DYM: variants seen among roughly 807,000 people sequenced by gnomAD.
DYM encodes the protein dyggve-Melchior-Clausen syndrome protein.
In DYM, 78 loss-of-function variants were observed where a neutral mutation model predicts 93.1. The ratio of observed to expected loss-of-function variants is 0.84; its 90% CI spans 0.70 to 1.01. DYM has a LOEUF of 1.01. Among genes scored for constraint, DYM ranks in the 50% least tolerant of loss-of-function variants. The pLI, the probability that DYM is intolerant of heterozygous loss-of-function variation, is 0.00. For synonymous variants in DYM, 321 were observed against 319.7 expected (o/e 1.00, Z -0.04); for missense variants, 789 against 845.0 (o/e 0.93, Z 0.82).
chr18:49,180,964 T>C (rs188729248), intron 14 of DYM, among the ~76,000 whole-genome samples: 1 of 152,184 alleles, frequency 6.6e-6, no homozygotes, highest in African/African-American at 2.4e-5. Context: ...TTGTTATATG[T>C]TAGCAACAAA....
chr18:49,268,456 C>T (rs982309709), intron 11 of DYM, among the ~76,000 whole-genome samples: 4 of 152,060 alleles, frequency 2.6e-5, no homozygotes, highest in African/African-American at 7.2e-5. Flanking sequence ...TGGCAGTCAG[C>T]GAAGTTTAAT....
intron 17 of DYM, among the ~76,000 whole-genome samples, chr18:49,066,787 T>C (rs541505402): frequency 5.3e-4 from 81 of 152,286 alleles, no homozygotes; most frequent in African/African-American, 1.9e-3. Context: ...TCTTGCCCTA[T>C]ATCAAACCTT....
chr18:49,197,186 CAG>C (rs1289267645), intron 14 of DYM, among the ~76,000 whole-genome samples: 1 of 152,026 alleles, frequency 6.6e-6, no homozygotes, highest in Non-Finnish European at 1.5e-5. Context: ...GACAAGGGCT[CAG>C]AGTTTCAGCT....
At position 49,309,916 on chromosome 18, in the gene DYM, G is replaced by A. The variant is rs568413086; in HGVS notation, c.763+21948C>T. On this transcript the variant is annotated intron_variant, in intron 8 of 17. Coordinates refer to ENST00000675505, the MANE Select transcript of DYM (RefSeq NM_001353214.3). ...GGGTCGAAATCAACCCTATCCAGAC[G>A]GCATGGACCCAGAATTCTTAGCTAT... Among the ~76,000 whole-genome samples the A allele has an allele frequency of 1.2e-4, 18 of 152,234 alleles. No individual in the cohort carries two copies. The East Asian group carries it at 2.9e-3, about 24-fold the overall frequency.
chr18:49,228,102 G>A (rs1051002711), intron 13 of DYM, among the ~76,000 whole-genome samples: 3 of 152,148 alleles, frequency 2.0e-5, no homozygotes, highest in African/African-American at 7.2e-5. Context: ...TTTGAGGGCA[G>A]ATGTTGAGTT....
intron 15 of DYM, among the ~76,000 whole-genome samples, chr18:49,149,692 A>G (rs1422181068): frequency 7.0e-6 from 1 of 142,890 alleles, no homozygotes; most frequent in Non-Finnish European, 1.5e-5. Context: ...TTCAAGCACC[A>G]TTACAAAGTG....
chr18:49,142,119 C>A (rs35226819), intron 15 of DYM, among the ~76,000 whole-genome samples: 47,630 of 151,620 alleles, frequency 0.31, 8,824 homozygotes, highest in Middle Eastern at 0.46. Context: ...CCTCGGTCTC[C>A]CAAAGTGCTG....
chr18:49,137,030 A>C (rs1177325852), intron 15 of DYM, among the ~76,000 whole-genome samples: 2 of 152,242 alleles, frequency 1.3e-5, no homozygotes, highest in African/African-American at 4.8e-5. Context: ...AGCATTTCTT[A>C]TCAAAGTATA....
Position 49,091,516 on chromosome 18 carries a change from G to A in DYM, c.2025+5886C>T, listed in dbSNP as rs78651134. Among the ~76,000 whole-genome samples the A allele has an allele frequency of 7.1e-3, 1,081 of 152,192 alleles. 5 individuals are homozygous for A. The highest frequency in any genetic ancestry group is 0.024 in the Middle Eastern group (7 of 294). ...CAAGGCTCTACGAGTGGAGAGGGCT[G>A]GTGTGTTTGGAGCAATTACCTAGTA... On this transcript the variant is annotated intron_variant, in intron 17 of 17. Coordinates refer to ENST00000675505, the MANE Select transcript of DYM (RefSeq NM_001353214.3).
intron 3 of DYM, chr18:49,390,571 G>A (rs77905669): frequency 0.091 from 13,865 of 151,760 alleles, 862 homozygotes; most frequent in East Asian, 0.31. Flanking sequence ...GCAGTGGCGC[G>A]ATCTCGGCTC....
chr18:49,265,239 G>C (rs886302396), intron 11 of DYM, among the ~76,000 whole-genome samples: 3 of 152,146 alleles, frequency 2.0e-5, no homozygotes, highest in Admixed American at 6.5e-5. Flanking sequence ...GAAAACCCGA[G>C]AGCAGGCTCA....
chr18:49,140,165 AG>A (rs1317732400), intron 15 of DYM, among the ~76,000 whole-genome samples: 11 of 152,196 alleles, frequency 7.2e-5, no homozygotes, highest in African/African-American at 2.7e-4. Context: ...AACATTAAAA[AG>A]AAAAAAAGTC....
intron 1 of DYM, among the ~76,000 whole-genome samples, chr18:49,442,656 G>A (rs2081746616): frequency 6.7e-6 from 1 of 150,278 alleles, no homozygotes; most frequent in South Asian, 2.1e-4. Context: ...AGATAATAAT[G>A]AAAACAGTAA....
rs140168546 is a variant in DYM at position 49,101,296 on chromosome 18, T to C, written c.1912-3781A>G. Among the ~76,000 whole-genome samples, 424 of 152,310 alleles carry C rather than the reference T, an allele frequency of 2.8e-3. 2 individuals carry two copies. The highest frequency in any genetic ancestry group is 1.0e-2 in the African/African-American group (415 of 41,570). Reference sequence around the variant, plus strand: ...GACAACCTTTCAAAGGAAGGTACTTTTCCAAAGCGCATGTTTTACAACCCT... The same window carrying C: ...GACAACCTTTCAAAGGAAGGTACTTCTCCAAAGCGCATGTTTTACAACCCT... On this transcript the variant is annotated intron_variant, in intron 16 of 17. Transcript: ENST00000675505.
At chr18:49,258,228 T>C (rs941874962) in intron 12 of DYM, 152 bp downstream of exon 12, 125 of 646,942 alleles carry the variant, frequency 1.9e-4, no homozygotes, top group Middle Eastern at 7.2e-4. Context: ...TTATGTTACA[T>C]TAGGATCATG....
At chr18:49,184,768 T>C (rs527988015) in intron 14 of DYM, among the ~76,000 whole-genome samples, 2 of 152,334 alleles carry the variant, frequency 1.3e-5, no homozygotes, top group African/African-American at 4.8e-5. Context: ...AATTTTCTAT[T>C]TCTGAAACTT....
chr18:49,134,333 G>C (rs2083642385), intron 15 of DYM, among the ~76,000 whole-genome samples: 1 of 152,134 alleles, frequency 6.6e-6, no homozygotes, highest in Non-Finnish European at 1.5e-5. Flanking sequence ...TTTATAAGGA[G>C]ATTACGTTTC....
intron 16 of DYM, 26 bp downstream of exon 16, chr18:49,118,718 T>C (rs1355588523): frequency 6.3e-7 from 1 of 1,594,096 alleles, no homozygotes; most frequent in Non-Finnish European, 8.6e-7. Context: ...AAAAGAATCA[T>C]AATAAATGTC....
intron 13 of DYM, among the ~76,000 whole-genome samples, chr18:49,236,651 T>C (rs2093875809): frequency 1.3e-5 from 2 of 152,106 alleles, no homozygotes; most frequent in Admixed American, 6.5e-5. Context: ...AGGGGTAAAT[T>C]CCAAGAGCCA....
Sources: allele counts gnomAD v4.1 joint callset (sites outside exome capture counted in the v4.1 genomes callset), GRCh38; gene constraint gnomAD v4.1.1; transcripts MANE v1.5; gene names NCBI Gene and HGNC (gene_info 2026-07-23, HGNC 2026-07-21).